CSMD2: variants seen among roughly 807,000 people sequenced by gnomAD.
CSMD2 encodes CUB and Sushi multiple domains 2.
Under a neutral mutation model 398.5 loss-of-function variants are expected in CSMD2, and 130 were observed. The ratio of observed to expected loss-of-function variants is 0.33; its 90% CI spans 0.28 to 0.38. The LOEUF (loss-of-function observed/expected upper bound fraction) is 0.38. Among genes scored for constraint, CSMD2 ranks in the 10% least tolerant of loss-of-function variants. The pLI is 1.00. For synonymous variants in CSMD2, 1,828 were observed against 1,908.5 expected (o/e 0.96, Z 1.10); for missense variants, 3,829 against 4,764.9 (o/e 0.80, Z 5.78).
chr1:33,535,034 A>G (rs1048680528), intron 62 of CSMD2, among the ~76,000 whole-genome samples: 2 of 152,200 alleles, frequency 1.3e-5, no homozygotes, highest in African/African-American at 2.4e-5. Flanking sequence ...GAAGAATCAG[A>G]TTGTGTCACC....
intron 67 of CSMD2, among the ~76,000 whole-genome samples, chr1:33,522,943 A>G (rs538859036): frequency 5.9e-5 from 9 of 152,310 alleles, no homozygotes; most frequent in Non-Finnish European, 7.4e-5. Flanking sequence ...GAGAAGTTCA[A>G]TGTAGTCATG....
At position 33,557,873 on chromosome 1, in the gene CSMD2, G is replaced by A. The variant is rs1330284542; in HGVS notation, c.8604C>T (p.Val2868=). The change falls in exon 55 of 71, where the codon GTC becomes GTT. Residue 2868 remains valine (V), a synonymous_variant. Transcript: ENST00000373381. Reference sequence around the variant, plus strand: ...TGAACCTGTGCGGGCCGCTGGCGTGGACCTGACGAACACTATTTTCTTGGT... The same window carrying A: ...TGAACCTGTGCGGGCCGCTGGCGTGAACCTGACGAACACTATTTTCTTGGT... ...PGHQENSVRQ[V]HASGPHRFSF... is the part of the protein sequence containing the mutation. 7.2e-6 allele frequency: 11 copies of A among 1,536,022 alleles called. No individual in the cohort carries two copies. The Admixed American group carries it at 2.2e-4, about 30-fold the overall frequency.
At chr1:33,655,792 G>C (rs924571684) in intron 27 of CSMD2, among the ~76,000 whole-genome samples, 2 of 152,228 alleles carry the variant, frequency 1.3e-5, no homozygotes, top group African/African-American at 4.8e-5. Flanking sequence ...TGAGAGAAGA[G>C]GCAAAGGCAT....
At chr1:33,711,606 G>A (rs1645992082) in intron 21 of CSMD2, among the ~76,000 whole-genome samples, 1 of 152,186 alleles carries the variant, frequency 6.6e-6, no homozygotes, top group Non-Finnish European at 1.5e-5. Flanking sequence ...AGCCTGAGAA[G>A]CATATGGGAA....
chr1:33,536,414 G>A (rs547536963), intron 62 of CSMD2, among the ~76,000 whole-genome samples: 5 of 152,226 alleles, frequency 3.3e-5, no homozygotes, highest in African/African-American at 1.2e-4. Context: ...TAGTAGAGAC[G>A]GGGTTTCACC....
chr1:34,025,861 C>G (rs1649579505), intron 3 of CSMD2, among the ~76,000 whole-genome samples: 1 of 152,128 alleles, frequency 6.6e-6, no homozygotes, highest in Non-Finnish European at 1.5e-5. Flanking sequence ...CAAAAGCCAC[C>G]GTCTGGCTGT....
chr1:33,587,560 T>C (rs1388767354), intron 44 of CSMD2, among the ~76,000 whole-genome samples: 2 of 152,156 alleles, frequency 1.3e-5, no homozygotes, highest in Non-Finnish European at 2.9e-5. Flanking sequence ...GTGAAGTAAG[T>C]TCCTCAAGGT....
rs1025872244 is a variant in CSMD2 at position 34,028,901 on chromosome 1, G to T, written c.517+3693C>A. On this transcript the variant is annotated intron_variant, in intron 3 of 70. Transcript: ENST00000373381. ...CGGCCTTTTTGATCTTTTCCTTGCG[G>T]CGGCAGCAGCCGTGGGCTGACACTC... 5.9e-5 allele frequency among the ~76,000 whole-genome samples: 9 copies of T among 152,132 alleles called. 1 individual carries two copies. In the East Asian group the frequency reaches 1.4e-3, roughly 23 times the overall value.
chr1:33,955,850 C>G (rs1156994287), intron 3 of CSMD2, among the ~76,000 whole-genome samples: 1 of 152,224 alleles, frequency 6.6e-6, no homozygotes, highest in Non-Finnish European at 1.5e-5. Flanking sequence ...GTTCATCTCT[C>G]CATTCAAACA....
intron 5 of CSMD2, among the ~76,000 whole-genome samples, chr1:33,848,810 G>GGTT (rs1557999345): frequency 7.0e-6 from 1 of 142,728 alleles, no homozygotes. Context: ...CGTATTGTGG[G>GGTT]TTTTTTTTTT....
chr1:33,716,611 G>A, intron 19 of CSMD2, 110 bp from the exon 20 acceptor site: 1 of 744,400 alleles, frequency 1.3e-6, no homozygotes, highest in African/African-American at 1.7e-5. Context: ...CTATCTGTGT[G>A]TATGACTACA....
Position 33,679,199 on chromosome 1 carries a change from GTT to G in CSMD2, c.4052+13729_4052+13730del, listed in dbSNP as rs58284803. 7.7e-3 allele frequency among the ~76,000 whole-genome samples: 645 copies of G among 84,214 alleles called. 7 individuals carry two copies. Among genetic ancestry groups the G allele is most frequent in the East Asian group, 0.04 (112 of 2,774 alleles). The allele number at this position is 84,214 out of a possible 152,430, so 55.2% of individuals were successfully genotyped here. A position where few individuals can be genotyped will look rare whatever the true frequency, so the allele number is the denominator to read the frequency against. ...AAAGACCTGGGTTCAAATTGCAGTT[GTT>G]TTTTTTTTTTTTTTTTTTTGAGATA... On this transcript the variant is annotated intron_variant, in intron 25 of 70. Coordinates refer to ENST00000373381, the MANE Select transcript of CSMD2 (RefSeq NM_001281956.2).
intron 1 of CSMD2, 60 bp from the exon 2 acceptor site, chr1:34,089,253 G>T: frequency 6.8e-7 from 1 of 1,478,510 alleles, no homozygotes; most frequent in African/African-American, 1.4e-5. Context: ...AGCTTCTAGA[G>T]AGTCAGGAGC....
intron 20 of CSMD2, among the ~76,000 whole-genome samples, chr1:33,715,708 T>G (rs1208871721): frequency 6.6e-6 from 1 of 152,158 alleles, no homozygotes; most frequent in Non-Finnish European, 1.5e-5. Context: ...GGAGGTACTC[T>G]GGGGTGCTAC....
At chr1:34,020,501 G>A (rs1479963323) in intron 3 of CSMD2, among the ~76,000 whole-genome samples, 1 of 152,140 alleles carries the variant, frequency 6.6e-6, no homozygotes, top group Non-Finnish European at 1.5e-5. Context: ...CAGGCTCAAG[G>A]AGATGCCCCA....
At chr1:33,927,755 G>A (rs1332576788) in intron 4 of CSMD2, among the ~76,000 whole-genome samples, 2 of 152,124 alleles carry the variant, frequency 1.3e-5, no homozygotes, top group East Asian at 3.9e-4. Flanking sequence ...TTCCAGGCAT[G>A]AGACGCTTCC....
At chr1:34,120,008 T>C (rs1662005723) in intron 1 of CSMD2, among the ~76,000 whole-genome samples, 1 of 152,266 alleles carries the variant, frequency 6.6e-6, no homozygotes, top group Middle Eastern at 3.4e-3. Context: ...GGACAAGAGG[T>C]AGAAACAACC....
intron 3 of CSMD2, among the ~76,000 whole-genome samples, chr1:33,992,435 T>C (rs1646585095): frequency 2.0e-5 from 3 of 152,026 alleles, no homozygotes; most frequent in Non-Finnish European, 4.4e-5. Context: ...CTTGAACTCC[T>C]GGGCTCAAGC....
chr1:33,526,716 A>C (rs1178833991), intron 65 of CSMD2, among the ~76,000 whole-genome samples: 1 of 152,260 alleles, frequency 6.6e-6, no homozygotes, highest in Non-Finnish European at 1.5e-5. Flanking sequence ...TTAATGTGGT[A>C]AATAAAAGTA....
Sources: gnomAD v4.1 joint callset for allele counts (sites outside exome capture counted in the v4.1 genomes callset) on GRCh38, gnomAD v4.1.1 for gene constraint, MANE v1.5 for transcripts, NCBI Gene and HGNC (gene_info 2026-07-23, HGNC 2026-07-21) for gene names.